ADAM2: variants seen among roughly 807,000 people sequenced by gnomAD.
ADAM2 encodes ADAM metallopeptidase domain 2, also known as disintegrin and metalloproteinase domain-containing protein 2.
In ADAM2, 101 loss-of-function variants were observed where a neutral mutation model predicts 99.3. The observed-to-expected ratio is 1.02, with a 90% CI of 0.87 to 1.20. The LOEUF (loss-of-function observed/expected upper bound fraction) is 1.20. Ranked by LOEUF, ADAM2 falls within the 50% of genes most tolerant of loss-of-function variation. ADAM2 has a pLI of 0.00. For missense variants in ADAM2, 948 were observed against 878.7 expected (o/e 1.08, Z -1.00); for synonymous variants, 323 against 287.6 (o/e 1.12, Z -1.25).
chr8:39,755,898 C>T lies in ADAM2; in HGVS notation c.1627G>A (p.Gly543Arg), dbSNP rs761884012. ...TQCEADNLQC[G>R]KLICKYVGKF... ...CCTACATATTTACATATTAATTTTC[C>T]GCACTGCAGATTGCTATAATTTATC... Residue 543 changes from glycine to arginine, a missense_variant, in exon 16 of 21, where the codon GGA becomes AGA. Transcript: ENST00000265708. The T allele has an allele frequency of 2.2e-5, 33 of 1,527,934 alleles. No individual in the cohort carries two copies. Among genetic ancestry groups the T allele is most frequent in the South Asian group, 4.7e-5 (4 of 85,092 alleles). The allele number at this position is 1,527,934 out of a possible 1,614,324, so 94.6% of individuals were successfully genotyped here.
At chr8:39,772,024 C>G (rs963890282) in intron 11 of ADAM2, among the ~76,000 whole-genome samples, 1 of 145,990 alleles carries the variant, frequency 6.8e-6, no homozygotes, top group Non-Finnish European at 1.5e-5. Flanking sequence ...TGCATGTATA[C>G]ATATGTAACA....
intron 4 of ADAM2, among the ~76,000 whole-genome samples, chr8:39,822,732 A>G (rs1423858746): frequency 6.6e-6 from 1 of 151,592 alleles, no homozygotes; most frequent in Non-Finnish European, 1.5e-5. Context: ...CCATAATTTG[A>G]GGATTTGAGG....
chr8:39,829,309 G>T (rs1278822106), intron 3 of ADAM2, among the ~76,000 whole-genome samples: 1 of 151,926 alleles, frequency 6.6e-6, no homozygotes, highest in Non-Finnish European at 1.5e-5. Context: ...GAGAGAAAAG[G>T]TCAGATTAGA....
chr8:39,791,342 G>C (rs776365933), intron 7 of ADAM2, among the ~76,000 whole-genome samples: 3 of 152,038 alleles, frequency 2.0e-5, no homozygotes, highest in Non-Finnish European at 1.5e-5. Flanking sequence ...CACTATTGCT[G>C]TTTCCTCATT....
chr8:39,764,504 G>C (rs1025704796), intron 14 of ADAM2, among the ~76,000 whole-genome samples: 2 of 152,150 alleles, frequency 1.3e-5, no homozygotes, highest in African/African-American at 4.8e-5. Context: ...CCAAATCAGA[G>C]CCTTTCTCAT....
At chr8:39,829,032 A>T (rs1405907929) in intron 3 of ADAM2, among the ~76,000 whole-genome samples, 1 of 151,902 alleles carries the variant, frequency 6.6e-6, no homozygotes, top group Non-Finnish European at 1.5e-5. Flanking sequence ...GTACAGAAAG[A>T]TAGAAGATTC....
At chr8:39,797,579 G>A (rs1239798131) in intron 7 of ADAM2, among the ~76,000 whole-genome samples, 1 of 152,160 alleles carries the variant, frequency 6.6e-6, no homozygotes, top group African/African-American at 2.4e-5. Context: ...TTCTAATTCT[G>A]TGAAGAATGT....
chr8:39,775,207 G>A (rs946496438), intron 11 of ADAM2, among the ~76,000 whole-genome samples: 7 of 152,078 alleles, frequency 4.6e-5, no homozygotes, highest in African/African-American at 1.7e-4. Context: ...TTTTTAGAGT[G>A]TCCTAGGAAA....
At chr8:39,785,398 C>A (rs1273280145) in intron 10 of ADAM2, among the ~76,000 whole-genome samples, 2 of 152,184 alleles carry the variant, frequency 1.3e-5, no homozygotes, top group African/African-American at 4.8e-5. Context: ...GGAAAACAGA[C>A]TGCTTATACA....
At chr8:39,834,059 C>A (rs1280999238) in intron 2 of ADAM2, 60 bp from the exon 3 acceptor site, 21 of 900,026 alleles carry the variant, frequency 2.3e-5, no homozygotes, top group African/African-American at 1.7e-5. Flanking sequence ...GAAGGGATAA[C>A]CATCATTTTA....
At chr8:39,764,806 G>A (rs1802503097) in intron 14 of ADAM2, among the ~76,000 whole-genome samples, 2 of 152,058 alleles carry the variant, frequency 1.3e-5, no homozygotes, top group South Asian at 4.1e-4. Context: ...CTGTGGTCAG[G>A]AGTTCGAGAC....
chr8:39,793,974 T>C (rs1803830212), intron 7 of ADAM2, among the ~76,000 whole-genome samples: 1 of 152,118 alleles, frequency 6.6e-6, no homozygotes, highest in Non-Finnish European at 1.5e-5. Context: ...GCAACGACAA[T>C]TGGAAAAGTG....
intron 7 of ADAM2, among the ~76,000 whole-genome samples, chr8:39,798,948 C>A (rs185613273): frequency 6.6e-6 from 1 of 152,006 alleles, no homozygotes; most frequent in Non-Finnish European, 1.5e-5. Context: ...ATTAGTCTAG[C>A]TTGCAGTCTG....
chr8:39,834,492 TG>T (rs1805739927), intron 2 of ADAM2, among the ~76,000 whole-genome samples: 1 of 152,066 alleles, frequency 6.6e-6, no homozygotes, highest in Admixed American at 6.6e-5. Context: ...CCCAGCACTT[TG>T]GGAAGCCAAG....
intron 3 of ADAM2, among the ~76,000 whole-genome samples, chr8:39,833,001 A>G (rs1805678380): frequency 6.6e-6 from 1 of 151,998 alleles, no homozygotes; most frequent in East Asian, 1.9e-4. Flanking sequence ...ACATATTTTG[A>G]TCTATATTAA....
At position 39,743,893 on chromosome 8, in the gene ADAM2, A is replaced by T. The variant is rs1052176668; in HGVS notation, c.*202T>A. On this transcript the variant is annotated 3_prime_UTR_variant, in exon 21 of 21. Coordinates refer to ENST00000265708, the MANE Select transcript of ADAM2 (RefSeq NM_001464.5). ...AGAAATTTGTAATGTAAAACTCATT[A>T]TCATGCATTTTTAAATAAGTAAATT... 1 of 152,300 alleles carries T rather than the reference A, an allele frequency of 6.6e-6. No individual in the cohort carries two copies. Among genetic ancestry groups the T allele is most frequent in the Non-Finnish European group, 1.5e-5 (1 of 67,992 alleles). 9.4% of individuals were successfully genotyped at this position (152,300 alleles called of 1,614,324 possible). A position where few individuals can be genotyped will look rare whatever the true frequency, so the allele number is the denominator to read the frequency against.
intron 12 of ADAM2, among the ~76,000 whole-genome samples, chr8:39,769,077 C>G (rs1802676573): frequency 6.6e-6 from 1 of 152,242 alleles, no homozygotes; most frequent in Admixed American, 6.5e-5. Flanking sequence ...AAAATGTACT[C>G]ATATACTCAA....
chr8:39,787,538 CTCTCTA>C (rs1486692488), intron 9 of ADAM2, among the ~76,000 whole-genome samples: 1 of 122,108 alleles, frequency 8.2e-6, no homozygotes, highest in African/African-American at 3.7e-5. Flanking sequence ...AAAACTCTCT[CTCTCTA>C]TATATATATA....
At chr8:39,827,546 A>G (rs1030643861) in intron 3 of ADAM2, among the ~76,000 whole-genome samples, 3 of 152,200 alleles carry the variant, frequency 2.0e-5, no homozygotes, top group African/African-American at 7.2e-5. Flanking sequence ...AATACTAGGC[A>G]GTCATAAAAA....
Sources: gnomAD v4.1 joint callset for allele counts (sites outside exome capture counted in the v4.1 genomes callset) on GRCh38, gnomAD v4.1.1 for gene constraint, MANE v1.5 for transcripts, NCBI Gene and HGNC (gene_info 2026-07-23, HGNC 2026-07-21) for gene names.